DAAM1: variants seen among roughly 807,000 people sequenced by gnomAD.
The protein encoded by DAAM1 is disheveled-associated activator of morphogenesis 1.
A neutral mutation model predicts 130.0 loss-of-function variants in DAAM1; 52 were observed. The observed-to-expected ratio is 0.40, with a 90% CI of 0.32 to 0.50. DAAM1 has a LOEUF of 0.50. DAAM1 is among the 20% of genes least tolerant of loss of function. DAAM1 has a pLI of 0.61. For synonymous variants in DAAM1, 452 were observed against 444.5 expected, an observed-to-expected ratio of 1.02 and a Z score of -0.21; for missense variants, 1,134 against 1,303.8, an observed-to-expected ratio of 0.87 and a Z score of 2.01.
intron 1 of DAAM1, among the ~76,000 whole-genome samples, chr14:59,220,768 G>A (rs1055023233): frequency 5.3e-5 from 8 of 152,138 alleles, no homozygotes; most frequent in African/African-American, 1.9e-4. Flanking sequence ...AGAACTAGGG[G>A]ATCTCCAGTG....
intron 3 of DAAM1, among the ~76,000 whole-genome samples, chr14:59,302,372 C>G (rs1884207241): frequency 6.6e-6 from 1 of 152,172 alleles, no homozygotes. Flanking sequence ...ATTGGTTGGA[C>G]AACCCAATTA....
At chr14:59,311,157 C>T (rs191389046) in intron 3 of DAAM1, among the ~76,000 whole-genome samples, 7 of 152,278 alleles carry the variant, frequency 4.6e-5, no homozygotes, top group Non-Finnish European at 8.8e-5. Flanking sequence ...AAATTTTTGT[C>T]ACACAAATTT....
chr14:59,302,698 C>T (rs1485461828), intron 3 of DAAM1, among the ~76,000 whole-genome samples: 2 of 152,112 alleles, frequency 1.3e-5, no homozygotes, highest in Admixed American at 6.6e-5. Flanking sequence ...CTGTCACCCA[C>T]ACTGGAGTGC....
At chr14:59,197,163 G>A (rs372821937) in intron 1 of DAAM1, among the ~76,000 whole-genome samples, 5 of 152,156 alleles carry the variant, frequency 3.3e-5, no homozygotes, top group Non-Finnish European at 5.9e-5. Context: ...CTCGTGATCC[G>A]CCCGACTCAG....
chr14:59,280,135 T>A (rs555467219), intron 2 of DAAM1, among the ~76,000 whole-genome samples: 1 of 152,276 alleles, frequency 6.6e-6, no homozygotes, highest in East Asian at 1.9e-4. Flanking sequence ...ATTGCTGACA[T>A]GAGTATAAGA....
intron 1 of DAAM1, among the ~76,000 whole-genome samples, chr14:59,255,073 A>G (rs1253013): frequency 0.98 from 149,854 of 152,312 alleles, 73,761 homozygotes; most frequent in East Asian, 1. Flanking sequence ...TGTTTTCAGG[A>G]TGCTAATGGC....
Position 59,352,586 on chromosome 14 carries a change from C to T in DAAM1, c.2221C>T (p.Leu741=), listed in dbSNP as rs1239182288. ...CCTATTGGAGGAACATAAACACGAACTGGATCGGATGGCCAAGGCTGATAG... is the reference window on the plus strand; with the variant it reads ...CCTATTGGAGGAACATAAACACGAATTGGATCGGATGGCCAAGGCTGATAG... ...IDLLEEHKHE[L]DRMAKADRFL... Residue 741 remains leucine, a synonymous_variant, in exon 18 of 25, where the codon CTG becomes TTG. Transcript: ENST00000360909. 6.2e-7 allele frequency: 1 copy of T among 1,613,410 alleles called. No individual in the cohort carries two copies. The highest frequency in any genetic ancestry group is 8.5e-7 in the Non-Finnish European group (1 of 1,179,764).
intron 15 of DAAM1, among the ~76,000 whole-genome samples, chr14:59,337,005 A>G (rs1222174308): frequency 6.6e-6 from 1 of 152,184 alleles, no homozygotes; most frequent in African/African-American, 2.4e-5. Flanking sequence ...ACAGGCCTCT[A>G]CACTAGAGGT....
At position 59,369,646 on chromosome 14, in the gene DAAM1, T is replaced by C. The variant is rs1887070597; in HGVS notation, c.*787T>C. ...TCCATGCTTTTTTTAAAGAACAACATTGCCAGAGTATGCTTGTTCTAACAA... is the reference window on the plus strand; with the variant it reads ...TCCATGCTTTTTTTAAAGAACAACACTGCCAGAGTATGCTTGTTCTAACAA... On this transcript the variant is annotated 3_prime_UTR_variant, in exon 25 of 25. Coordinates refer to ENST00000360909, the MANE Select transcript of DAAM1 (RefSeq NM_001270520.2). 1 of 151,418 alleles carries C rather than the reference T, an allele frequency of 6.6e-6. No individual in the cohort carries two copies. The highest frequency in any genetic ancestry group is 2.4e-5 in the African/African-American group (1 of 41,050). The allele number at this position is 151,418 out of a possible 1,614,324, so 9.4% of individuals were successfully genotyped here.
chr14:59,363,904 A>ATAAAG (rs1281043727), intron 23 of DAAM1, 122 bp downstream of exon 23: 9 of 1,358,018 alleles, frequency 6.6e-6, no homozygotes, highest in Non-Finnish European at 6.0e-6. Flanking sequence ...GGTGCAGGAA[A>ATAAAG]TAAAGTAGTA....
chr14:59,331,369 CTCCTCCTCCCCCAGG>C lies in DAAM1; in HGVS notation c.1722_1736del (p.Pro578_Pro582del). Reference sequence around the variant, plus strand: ...CCGCCTCCCCTCCCTCCAGGTGGCCCTCCTCCTCCCCCAGGGCCTCCTCCCTTAGGGGCAATCATG... The same window carrying C: ...CCGCCTCCCCTCCCTCCAGGTGGCCCGCCTCCTCCCTTAGGGGCAATCATG... On this transcript the variant is annotated inframe_deletion, in exon 14 of 25. Coordinates refer to ENST00000360909, the MANE Select transcript of DAAM1 (RefSeq NM_001270520.2). 1 of 1,612,752 alleles carries C rather than the reference CTCCTCCTCCCCCAGG, an allele frequency of 6.2e-7. No individual in the cohort carries two copies. Among genetic ancestry groups the C allele is most frequent in the Non-Finnish European group, 8.5e-7 (1 of 1,179,776 alleles).
intron 1 of DAAM1, among the ~76,000 whole-genome samples, chr14:59,255,721 G>C (rs561103867): frequency 3.3e-5 from 5 of 149,430 alleles, no homozygotes; most frequent in African/African-American, 1.2e-4. Flanking sequence ...TTCTTTTTAT[G>C]GTTGTGACAT....
In DAAM1 at chr14:59,310,970, C is replaced by CAA. The variant is rs71111624; in HGVS notation, c.274-4303_274-4302dup. Among the ~76,000 whole-genome samples the CAA allele has an allele frequency of 1.4e-3, 211 of 150,988 alleles. 2 individuals carry two copies. The highest frequency in any genetic ancestry group is 4.2e-3 in the South Asian group (20 of 4,788). On this transcript the variant is annotated intron_variant, in intron 3 of 24. Coordinates refer to ENST00000360909, the MANE Select transcript of DAAM1 (RefSeq NM_001270520.2). ...AAGAACATCTTAAACTGAAAAAAAA[C>CAA]AAAAAAAACAAACAAAAAAACTCTG...
intron 16 of DAAM1, among the ~76,000 whole-genome samples, chr14:59,343,568 A>G (rs1008395940): frequency 1.3e-5 from 2 of 152,234 alleles, no homozygotes; most frequent in Admixed American, 1.3e-4. Flanking sequence ...AGTTCACCAC[A>G]GTGAAAGCCT....
chr14:59,265,398 G>A (rs1882388168), intron 2 of DAAM1: 1 of 152,218 alleles, frequency 6.6e-6, no homozygotes, highest in Admixed American at 6.5e-5. Flanking sequence ...GAACTCTGTT[G>A]CAGGTGTTAA....
chr14:59,351,898 C>A (rs1886307940), intron 17 of DAAM1, among the ~76,000 whole-genome samples: 1 of 152,122 alleles, frequency 6.6e-6, no homozygotes, highest in African/African-American at 2.4e-5. Flanking sequence ...TTTACTATTT[C>A]TTCCACATCC....
chr14:59,221,879 T>C (rs1354932227), intron 1 of DAAM1, among the ~76,000 whole-genome samples: 1 of 152,184 alleles, frequency 6.6e-6, no homozygotes, highest in Non-Finnish European at 1.5e-5. Context: ...GTTGTGGGAA[T>C]AGGAAGCAAA....
Position 59,263,557 on chromosome 14 carries a change from C to T in DAAM1, c.80C>T (p.Thr27Met), listed in dbSNP as rs564042647. The change falls in exon 2 of 25, where the codon ACG (threonine) becomes ATG (methionine). Residue 27 changes from threonine (T) to methionine (M), a missense_variant. Around this residue, in one of 3 missense-constraint regions of DAAM1, gnomAD observed 99 missense variants for 86.4 expected, o/e 1.15. Coordinates refer to ENST00000360909, the MANE Select transcript of DAAM1 (RefSeq NM_001270520.2). ...CGAAATAATGATCACCCAGAAATCA[C>T]GTATCGGCTGCGAAATGATAGCAAC... Reference protein sequence around the residue: ...CFRNNDHPEITYRLRNDSNFA... With the variant: ...CFRNNDHPEIMYRLRNDSNFA... 39 of 1,614,054 alleles carry T rather than the reference C, an allele frequency of 2.4e-5. No individual in the cohort carries two copies. Among genetic ancestry groups the T allele is most frequent in the Admixed American group, 5.0e-5 (3 of 59,996 alleles).
At chr14:59,219,525 T>G (rs1888703162) in intron 1 of DAAM1, among the ~76,000 whole-genome samples, 1 of 152,316 alleles carries the variant, frequency 6.6e-6, no homozygotes, top group East Asian at 1.9e-4. Flanking sequence ...TTATTTATTC[T>G]GTTTCATATC....
Sources: allele counts gnomAD v4.1 joint callset (sites outside exome capture counted in the v4.1 genomes callset), GRCh38; gene constraint gnomAD v4.1.1; regional missense constraint gnomAD v4.1.1; transcripts MANE v1.5; gene names NCBI Gene and HGNC (gene_info 2026-07-23, HGNC 2026-07-21).